Variants in PLVAP observed in about 807,000 individuals in gnomAD.
PLVAP encodes plasmalemma vesicle associated protein, also known as plasmalemma vesicle-associated protein.
In PLVAP, 34 loss-of-function variants were observed where a neutral mutation model predicts 43.1. The observed-to-expected ratio is 0.79, with a 90% CI of 0.60 to 1.05. The LOEUF (loss-of-function observed/expected upper bound fraction) is 1.05, where lower values mean the gene tolerates loss of function less well. PLVAP is among the 50% of genes least tolerant of loss of function. The pLI, the probability that PLVAP is intolerant of heterozygous loss-of-function variation, is 0.00. For missense variants in PLVAP, 574 were observed against 593.4 expected (o/e 0.97, Z 0.34); for synonymous variants, 241 against 237.3 (o/e 1.02, Z -0.14).
At chr19:17,370,471 A>C (rs2074567924) in intron 1 of PLVAP, among the ~76,000 whole-genome samples, 1 of 152,226 alleles carries the variant, frequency 6.6e-6, no homozygotes, top group South Asian at 2.1e-4. Context: ...AAAGGAAGGA[A>C]GCACTGATCC....
intron 3 of PLVAP, among the ~76,000 whole-genome samples, chr19:17,363,635 C>T (rs1430959851): frequency 6.6e-6 from 1 of 151,572 alleles, no homozygotes; most frequent in African/African-American, 2.4e-5. Flanking sequence ...TGCAGTGGTG[C>T]AATCCCGGCT....
intron 1 of PLVAP, among the ~76,000 whole-genome samples, chr19:17,373,938 G>A (rs761481598): frequency 7.2e-5 from 11 of 152,164 alleles, no homozygotes; most frequent in Non-Finnish European, 1.5e-4. Flanking sequence ...AAGGCAGGTG[G>A]ATCACTTGAA....
rs1282665171 is a variant in PLVAP, at chr19:17,360,772, C to T, written c.1240G>A (p.Asp414Asn). The T allele has an allele frequency of 3.1e-6, 5 of 1,613,266 alleles. No individual in the cohort carries two copies. Among genetic ancestry groups the T allele is most frequent in the Admixed American group, 1.7e-5 (1 of 59,978 alleles). Residue 414 changes from aspartate to asparagine, a missense_variant and splice_region_variant, in exon 4 of 6, where the codon GAC becomes AAC. Coordinates refer to ENST00000252590, the MANE Select transcript of PLVAP (RefSeq NM_031310.3). The part of the protein sequence containing the change: ...MGPVPNPQPI[D>N]PASLEEFKRK... ...CTTGGCTCTGTCTTTTGTCACTCAC[C>T]GATGGGCTGGGGGTTGGGGACAGGG...
At chr19:17,372,103 G>A (rs1033562334) in intron 1 of PLVAP, among the ~76,000 whole-genome samples, 12 of 141,570 alleles carry the variant, frequency 8.5e-5, no homozygotes, top group Admixed American at 2.1e-4. Flanking sequence ...AAAAAAAAAA[G>A]GATGTGATTT....
chr19:17,360,649 G>GTTGCCC (rs1568373957), intron 4 of PLVAP, 40 bp from the exon 5 acceptor site: 4 of 1,592,666 alleles, frequency 2.5e-6, no homozygotes, highest in Admixed American at 3.4e-5. Context: ...TACAGCTTCA[G>GTTGCCC]TTGCCCCTGC....
In PLVAP at chr19:17,359,361, G is replaced by A. The variant is rs545959823; in HGVS notation, c.1322+1167C>T. Among the ~76,000 whole-genome samples the A allele has an allele frequency of 5.3e-4, 78 of 148,288 alleles. 1 individual carries two copies. The highest frequency in any genetic ancestry group is 1.9e-3 in the African/African-American group (76 of 40,086). ...ACTCCTGAGCTCAAGTGATCCGCCC[G>A]CTTCAGCCTCCCAAAGTGCTGGGAT... On this transcript the variant is annotated intron_variant, in intron 5 of 5. Transcript: ENST00000252590.
chr19:17,361,650 T>C (rs1477316130), intron 3 of PLVAP, among the ~76,000 whole-genome samples: 1 of 152,122 alleles, frequency 6.6e-6, no homozygotes, highest in African/African-American at 2.4e-5. Context: ...GATCCCAACG[T>C]GAAAAGTCAA....
rs1434910770 is a variant in PLVAP, at chr19:17,366,106, G to A, written c.459C>T (p.Ser153=). 1 of 1,614,114 alleles carries A rather than the reference G, an allele frequency of 6.2e-7. No individual in the cohort carries two copies. The highest frequency in any genetic ancestry group is 1.1e-5 in the South Asian group (1 of 91,064). The change falls in exon 2 of 6, where the codon AGC becomes AGT. Residue 153 remains serine, a synonymous_variant. Transcript: ENST00000252590. Reference sequence around the variant, plus strand: ...TGCAGCCTTAGCACTCACCATCGCAGCTCTTGTTCATGTCCTTGAATTGAT... The same window carrying A: ...TGCAGCCTTAGCACTCACCATCGCAACTCTTGTTCATGTCCTTGAATTGAT... ...CRDQFKDMNK[S]CDALLFMLNQ...
intron 3 of PLVAP, among the ~76,000 whole-genome samples, chr19:17,361,913 T>TA (rs1223105980): frequency 0.06 from 5,703 of 95,748 alleles, 160 homozygotes; most frequent in Non-Finnish European, 0.081. Context: ...CTACTAAAAA[T>TA]AAAAAAAAAT....
chr19:17,364,801 CTTGTT>C (rs2074541939), intron 3 of PLVAP, among the ~76,000 whole-genome samples: 19 of 78,206 alleles, frequency 2.4e-4, no homozygotes. Flanking sequence ...GAGATGGAGT[CTTGTT>C]TTGTCACCCA....
intron 5 of PLVAP, among the ~76,000 whole-genome samples, chr19:17,353,916 C>G (rs1445495163): frequency 9.0e-6 from 1 of 110,926 alleles, no homozygotes; most frequent in East Asian, 2.6e-4. Context: ...AATGGACACA[C>G]GAATCATCAG....
In PLVAP at chr19:17,365,425, G is replaced by A. The variant is rs112072429; in HGVS notation, c.1040C>T (p.Ala347Val). ...QAECSRQTQL[A>V]LEEKAVLRKE... ...CCGCAGCACCGCCTTCTCCTCCAGC[G>A]CTAGCTGGGTCTGCCGGGAGCATTC... is the stretch of plus-strand genomic sequence containing the variant. The change falls in exon 3 of 6, where the codon GCG (alanine) becomes GTG (valine). Residue 347 changes from alanine to valine, a missense_variant. Ala to Val is a moderately conservative substitution (Grantham distance 64). Coordinates refer to ENST00000252590, the MANE Select transcript of PLVAP (RefSeq NM_031310.3). 2.3e-4 allele frequency: 369 copies of A among 1,613,056 alleles called. 5 individuals are homozygous for A. In the African/African-American group the frequency reaches 3.4e-3, roughly 15 times the overall value.
intron 1 of PLVAP, among the ~76,000 whole-genome samples, chr19:17,375,918 C>T (rs2074593360): frequency 6.6e-6 from 1 of 150,376 alleles, no homozygotes; most frequent in Non-Finnish European, 1.5e-5. Flanking sequence ...TGGTGGTGCC[C>T]ACCTGTAATC....
chr19:17,360,659 C>A lies in PLVAP; in HGVS notation c.1241-50G>T, dbSNP rs551663358. ...TGACCTACAGCTTCAGTTGCCCCTG[C>A]CCCTGGGCTAGGGATGGGCTGGCAG... On this transcript the variant is annotated intron_variant, in intron 4 of 5. Transcript: ENST00000252590. 397 of 1,586,458 alleles carry A rather than the reference C, an allele frequency of 2.5e-4. 5 individuals are homozygous for A. The South Asian group carries it at 4.1e-3, about 17-fold the overall frequency.
intron 5 of PLVAP, among the ~76,000 whole-genome samples, chr19:17,354,868 A>G (rs1180750824): frequency 6.7e-6 from 1 of 150,026 alleles, no homozygotes. Flanking sequence ...ACTGCACTCC[A>G]GCCTGGGTGA....
rs2074543814 is a variant in PLVAP, at chr19:17,365,314, G to A, written c.1151C>T (p.Ser384Leu). ...QLRMELAIRNSALDTCIKTKS... is the reference protein window; with the variant it reads ...QLRMELAIRNLALDTCIKTKS... Reference sequence around the variant, plus strand: ...GGTCTTGATGCAGGTGTCCAGGGCTGAGTTTCTGATGGCCAGCTCCATCCT... The same window carrying A: ...GGTCTTGATGCAGGTGTCCAGGGCTAAGTTTCTGATGGCCAGCTCCATCCT... Residue 384 changes from serine (S) to leucine (L), a missense_variant, in exon 3 of 6, where the codon TCA becomes TTA. By Grantham distance (145) the Ser-to-Leu change is moderately radical. Coordinates refer to ENST00000252590, the MANE Select transcript of PLVAP (RefSeq NM_031310.3). 5 of 1,613,028 alleles carry A rather than the reference G, an allele frequency of 3.1e-6. No individual in the cohort carries two copies. The African/African-American group carries it at 5.3e-5, about 17-fold the overall frequency.
rs188550288 is a variant in PLVAP, at chr19:17,372,265, T to C, written c.369+4655A>G. Among the ~76,000 whole-genome samples, 25 of 150,494 alleles carry C rather than the reference T, an allele frequency of 1.7e-4. 1 individual carries two copies. In the East Asian group the frequency reaches 3.0e-3, roughly 18 times the overall value. On this transcript the variant is annotated intron_variant, in intron 1 of 5. Coordinates refer to ENST00000252590, the MANE Select transcript of PLVAP (RefSeq NM_031310.3). ...TCTACTAAAAATACAAAAAATTAGC[T>C]GGGTTTGGTGGCGGGTGCCTGTAAT...
chr19:17,358,682 G>A (rs1479059715), intron 5 of PLVAP, among the ~76,000 whole-genome samples: 3 of 152,230 alleles, frequency 2.0e-5, no homozygotes, highest in African/African-American at 4.8e-5. Flanking sequence ...GCCATGACCT[G>A]AGCGTGTGCC....
intron 1 of PLVAP, among the ~76,000 whole-genome samples, chr19:17,367,207 C>A (rs994427726): frequency 6.6e-6 from 1 of 151,304 alleles, no homozygotes; most frequent in Non-Finnish European, 1.5e-5. Context: ...GGCCTCCCAG[C>A]CCTGAATTTT....
Sources: allele counts gnomAD v4.1 joint callset (sites outside exome capture counted in the v4.1 genomes callset), GRCh38; gene constraint gnomAD v4.1.1; transcripts MANE v1.5; gene names NCBI Gene and HGNC (gene_info 2026-07-23, HGNC 2026-07-21).